The following DPT variants were observed in gnomAD, a reference collection of about 807,000 sequenced individuals.
DPT encodes tyrosine-rich acidic matrix protein.
In DPT, 21 loss-of-function variants were observed where a neutral mutation model predicts 31.2. That is an observed-to-expected ratio of 0.67 (90% CI 0.48 to 0.97). DPT has a LOEUF of 0.97. Among genes scored for constraint, DPT ranks in the 50% least tolerant of loss-of-function variants. The probability of loss-of-function intolerance (pLI) is 0.00; values close to 1 mark genes in which losing one functional copy is unlikely to be tolerated. For synonymous variants in DPT, 91 were observed against 86.9 expected (o/e 1.05, Z -0.26); for missense variants, 262 against 258.8 (o/e 1.01, Z -0.08).
At chr1:168,718,684 G>A (rs78751723) in intron 1 of DPT, among the ~76,000 whole-genome samples, 3,230 of 152,258 alleles carry the variant, frequency 0.021, 100 homozygotes, top group African/African-American at 0.072. Context: ...GGCGGGTTTC[G>A]TGCCCTCTAA....
chr1:168,707,289 G>A (rs1196948358), intron 2 of DPT, among the ~76,000 whole-genome samples: 1 of 152,048 alleles, frequency 6.6e-6, no homozygotes, highest in Admixed American at 6.6e-5. Context: ...CTCACCCAAA[G>A]CCTATGAATT....
In DPT at chr1:168,714,354, G is replaced by A. The variant is rs757775877; in HGVS notation, c.306-8C>T. ...TTGGAGCACGTCTGGTACCTGAAGA[G>A]AAGACAACCCCAGGAACCTAAGAAC... is the stretch of plus-strand genomic sequence containing the variant. On this transcript the variant is annotated splice_region_variant and splice_polypyrimidine_tract_variant and intron_variant, in intron 1 of 3. Transcript: ENST00000367817. 1 of 1,614,088 alleles carries A rather than the reference G, an allele frequency of 6.2e-7. No homozygotes were observed. Among genetic ancestry groups the A allele is most frequent in the South Asian group, 1.1e-5 (1 of 91,068 alleles).
At chr1:168,709,859 C>T (rs1281125451) in intron 2 of DPT, among the ~76,000 whole-genome samples, 3 of 152,204 alleles carry the variant, frequency 2.0e-5, no homozygotes, top group Non-Finnish European at 4.4e-5. Context: ...AGAGTTCTCA[C>T]TTCACTCTGT....
chr1:168,727,968 G>C (rs940738349), intron 1 of DPT, among the ~76,000 whole-genome samples: 2 of 151,998 alleles, frequency 1.3e-5, no homozygotes, highest in African/African-American at 4.8e-5. Context: ...TGCCTCCTCC[G>C]TTCTCTCCTC....
chr1:168,713,134 T>C (rs1649903787), intron 2 of DPT, among the ~76,000 whole-genome samples: 1 of 152,176 alleles, frequency 6.6e-6, no homozygotes, highest in Admixed American at 6.5e-5. Flanking sequence ...AGGTCTTTGG[T>C]TCAGGACCTA....
intron 1 of DPT, among the ~76,000 whole-genome samples, chr1:168,721,137 T>C (rs371138282): frequency 6.8e-4 from 103 of 152,256 alleles, no homozygotes; most frequent in African/African-American, 2.3e-3. Flanking sequence ...AGGAGAGTGG[T>C]TGGGGACAGT....
At chr1:168,722,206 TATA>T (rs979287805) in intron 1 of DPT, among the ~76,000 whole-genome samples, 13 of 152,210 alleles carry the variant, frequency 8.5e-5, no homozygotes, top group African/African-American at 3.1e-4. Flanking sequence ...GAATATCAAT[TATA>T]ATATTTTTAA....
chr1:168,705,178 G>A, intron 2 of DPT, among the ~76,000 whole-genome samples: 1 of 152,278 alleles, frequency 6.6e-6, no homozygotes, highest in Non-Finnish European at 1.5e-5. Flanking sequence ...CTCAGCGTAA[G>A]GTTTTGTGAA....
At position 168,714,324 on chromosome 1, in the gene DPT, C is replaced by T; in HGVS notation, c.328G>A (p.Gly110Arg). 6.2e-7 allele frequency: 1 copy of T among 1,614,090 alleles called. No individual in the cohort carries two copies. Among genetic ancestry groups the T allele is most frequent in the Non-Finnish European group, 8.5e-7 (1 of 1,180,016 alleles). Residue 110 changes from glycine (G) to arginine (R), a missense_variant, in exon 2 of 4, where the codon GGG becomes AGG. Coordinates refer to ENST00000367817, the MANE Select transcript of DPT (RefSeq NM_001937.5). ...CGGCTCTGGAATCCTGCCACCAGCC[C>T]ATTGTTGGAGCACGTCTGGTACCTG... Reference protein sequence around the residue: ...MEWYQTCSNNGLVAGFQSRYF... With the variant: ...MEWYQTCSNNRLVAGFQSRYF...
chr1:168,703,590 C>A (rs1301751888), intron 2 of DPT, among the ~76,000 whole-genome samples: 1 of 152,150 alleles, frequency 6.6e-6, no homozygotes, highest in Non-Finnish European at 1.5e-5. Flanking sequence ...GGTACTTTTT[C>A]TTCTTGGTCC....
intron 1 of DPT, 115 bp downstream of exon 1, chr1:168,728,750 TTGGGG>T: frequency 1.6e-6 from 2 of 1,265,412 alleles, no homozygotes; most frequent in Non-Finnish European, 2.2e-6. Context: ...GTGGTGAGGT[TTGGGG>T]TGGGATTTGC....
intron 2 of DPT, among the ~76,000 whole-genome samples, chr1:168,702,006 C>A (rs561050759): frequency 6.6e-6 from 1 of 152,206 alleles, no homozygotes; most frequent in East Asian, 1.9e-4. Context: ...AAATCCTGAG[C>A]CTTCATATGA....
At chr1:168,719,439 T>G (rs556728983) in intron 1 of DPT, among the ~76,000 whole-genome samples, 10 of 152,202 alleles carry the variant, frequency 6.6e-5, no homozygotes, top group Non-Finnish European at 1.5e-4. Flanking sequence ...CTGGGGGAAC[T>G]GTCAGGGATT....
intron 1 of DPT, 24 bp downstream of exon 1, chr1:168,728,846 T>G (rs1395779972): frequency 1.2e-6 from 2 of 1,609,802 alleles, no homozygotes; most frequent in Non-Finnish European, 1.7e-6. Flanking sequence ...CCAGCCCCAG[T>G]GCAGTGCAGG....
intron 3 of DPT, among the ~76,000 whole-genome samples, chr1:168,696,895 A>G (rs1649480725): frequency 6.6e-6 from 1 of 152,128 alleles, no homozygotes; most frequent in African/African-American, 2.4e-5. Context: ...TCCAGAAAGT[A>G]CCTCAAGGAC....
chr1:168,724,791 C>T (rs1557852022), intron 1 of DPT, among the ~76,000 whole-genome samples: 1 of 152,020 alleles, frequency 6.6e-6, no homozygotes, highest in Non-Finnish European at 1.5e-5. Flanking sequence ...CCCACCCAAC[C>T]TCTCCACCTT....
intron 1 of DPT, among the ~76,000 whole-genome samples, chr1:168,728,553 GT>G (rs1650297778): frequency 6.6e-6 from 1 of 151,822 alleles, no homozygotes. Flanking sequence ...ATATCTTTTG[GT>G]AGTCTGGTAA....
At chr1:168,717,305 G>A (rs1019460580) in intron 1 of DPT, among the ~76,000 whole-genome samples, 1 of 152,216 alleles carries the variant, frequency 6.6e-6, no homozygotes, top group African/African-American at 2.4e-5. Context: ...CTAATGATCA[G>A]TGAGGTTGAG....
At chr1:168,719,294 T>C (rs2101909878) in intron 1 of DPT, among the ~76,000 whole-genome samples, 1 of 152,228 alleles carries the variant, frequency 6.6e-6, no homozygotes, top group East Asian at 1.9e-4. Context: ...TGGGCATTCC[T>C]CTCCTCCATT....
Sources: allele counts gnomAD v4.1 joint callset (sites outside exome capture counted in the v4.1 genomes callset), GRCh38; gene constraint gnomAD v4.1.1; transcripts MANE v1.5; gene names NCBI Gene and HGNC (gene_info 2026-07-23, HGNC 2026-07-21).